GRIN2A: variants seen among roughly 807,000 people sequenced by gnomAD.
GRIN2A encodes glutamate ionotropic receptor NMDA type subunit 2A, also known as glutamate receptor ionotropic, NMDA 2A.
In GRIN2A, 22 loss-of-function variants were observed where a neutral mutation model predicts 113.4. The observed-to-expected ratio is 0.19, with a 90% CI of 0.14 to 0.28. The LOEUF (loss-of-function observed/expected upper bound fraction) is 0.28. Ranked by LOEUF, GRIN2A falls within the 10% of genes least tolerant of loss-of-function variation. The pLI, the probability that GRIN2A is intolerant of heterozygous loss-of-function variation, is 1.00. For synonymous variants in GRIN2A, 827 were observed against 738.4 expected, an observed-to-expected ratio of 1.12 and a Z score of -1.94; for missense variants, 1,502 against 1,887.0, an observed-to-expected ratio of 0.80 and a Z score of 3.78.
chr16:9,836,554 G>A (rs1052951441), intron 7 of GRIN2A, among the ~76,000 whole-genome samples: 1 of 152,200 alleles, frequency 6.6e-6, no homozygotes, highest in African/African-American at 2.4e-5. Context: ...TGAAGCAACT[G>A]TTCCCACATG....
chr16:10,130,385 G>C (rs2049036459), intron 2 of GRIN2A, among the ~76,000 whole-genome samples: 1 of 152,216 alleles, frequency 6.6e-6, no homozygotes, highest in Admixed American at 6.5e-5. Flanking sequence ...AGAATTAATA[G>C]AATTTTCGAG....
chr16:10,111,927 G>A, intron 2 of GRIN2A: 1 of 776,520 alleles, frequency 1.3e-6, no homozygotes, highest in Non-Finnish European at 2.3e-6. Flanking sequence ...TGACGCCAAG[G>A]ATCAAGCTGA....
chr16:9,787,652 A>G (rs988469956), intron 11 of GRIN2A, among the ~76,000 whole-genome samples: 1 of 152,202 alleles, frequency 6.6e-6, no homozygotes, highest in Non-Finnish European at 1.5e-5. Flanking sequence ...GGATAAATAC[A>G]TACAAGGACT....
At chr16:9,892,189 C>A (rs544667229) in intron 3 of GRIN2A, among the ~76,000 whole-genome samples, 39 of 152,290 alleles carry the variant, frequency 2.6e-4, no homozygotes, top group African/African-American at 8.4e-4. Flanking sequence ...CGAGATCGTG[C>A]CATTGCACTC....
intron 4 of GRIN2A, among the ~76,000 whole-genome samples, chr16:9,885,406 G>A (rs529542833): frequency 6.6e-6 from 1 of 152,174 alleles, no homozygotes; most frequent in Non-Finnish European, 1.5e-5. Flanking sequence ...ACAAGGGAGA[G>A]AGAAAAGGCA....
At chr16:10,108,835 T>G (rs2048550458) in intron 2 of GRIN2A, among the ~76,000 whole-genome samples, 1 of 151,846 alleles carries the variant, frequency 6.6e-6, no homozygotes, top group Admixed American at 6.6e-5. Flanking sequence ...ACATAACACA[T>G]AAAATAATTA....
At chr16:10,100,504 G>A (rs570876672) in intron 2 of GRIN2A, among the ~76,000 whole-genome samples, 1 of 152,186 alleles carries the variant, frequency 6.6e-6, no homozygotes, top group Non-Finnish European at 1.5e-5. Context: ...TAAACTGGGA[G>A]TAATAAGCCC....
intron 4 of GRIN2A, among the ~76,000 whole-genome samples, chr16:9,864,630 T>C (rs1394284761): frequency 1.3e-5 from 2 of 152,152 alleles, no homozygotes; most frequent in African/African-American, 4.8e-5. Context: ...AAAAAGCCAA[T>C]TCCATTTGGA....
At chr16:10,106,794 C>A (rs933038056) in intron 2 of GRIN2A, among the ~76,000 whole-genome samples, 1 of 152,058 alleles carries the variant, frequency 6.6e-6, no homozygotes, top group Non-Finnish European at 1.5e-5. Flanking sequence ...AACAGAAAGG[C>A]AACAGGTAGA....
Position 10,156,051 on chromosome 16 carries a change from C to T in GRIN2A, c.414+23947G>A, listed in dbSNP as rs373642350. Among the ~76,000 whole-genome samples the T allele has an allele frequency of 5.7e-4, 87 of 152,310 alleles. 2 individuals are homozygous for T. In the South Asian group the frequency reaches 0.016, roughly 28 times the overall value. The stretch of plus-strand genomic sequence containing the variant: ...TTTAAGTGGTAGGAGGGACCCTGGA[C>T]GATGAAAAGGGTGATCTAGCCCAGG... On this transcript the variant is annotated intron_variant, in intron 2 of 12. Transcript: ENST00000330684.
intron 11 of GRIN2A, among the ~76,000 whole-genome samples, chr16:9,782,938 G>T (rs1302199765): frequency 6.6e-6 from 1 of 152,160 alleles, no homozygotes; most frequent in African/African-American, 2.4e-5. Context: ...GGCCAATGGA[G>T]AAGCAGTTAA....
intron 2 of GRIN2A, among the ~76,000 whole-genome samples, chr16:10,152,762 G>C (rs1596557798): frequency 6.6e-6 from 1 of 152,288 alleles, no homozygotes; most frequent in East Asian, 1.9e-4. Flanking sequence ...ACGCAAAAAG[G>C]AAGTGTGACA....
At chr16:9,868,071 A>G (rs1051426583) in intron 4 of GRIN2A, among the ~76,000 whole-genome samples, 1 of 152,144 alleles carries the variant, frequency 6.6e-6, no homozygotes, top group African/African-American at 2.4e-5. Flanking sequence ...TGCCACCCCC[A>G]TATATATTAA....
chr16:10,065,774 C>T (rs2047637093), intron 2 of GRIN2A, among the ~76,000 whole-genome samples: 1 of 152,178 alleles, frequency 6.6e-6, no homozygotes, highest in South Asian at 2.1e-4. Flanking sequence ...CCAACCCCAT[C>T]TCAAGCCAAG....
intron 3 of GRIN2A, among the ~76,000 whole-genome samples, chr16:9,901,619 C>G (rs1384820329): frequency 6.6e-6 from 1 of 152,102 alleles, no homozygotes; most frequent in African/African-American, 2.4e-5. Context: ...AACACCACAC[C>G]TGGCTAATTG....
At chr16:10,107,383 T>G (rs1464210004) in intron 2 of GRIN2A, among the ~76,000 whole-genome samples, 1 of 152,202 alleles carries the variant, frequency 6.6e-6, no homozygotes, top group East Asian at 1.9e-4. Flanking sequence ...CACAACCTCT[T>G]TCCTCCAACT....
intron 10 of GRIN2A, 67 bp downstream of exon 10, chr16:9,822,195 GCC>G: frequency 6.7e-7 from 1 of 1,489,566 alleles, no homozygotes; most frequent in Non-Finnish European, 9.4e-7. Flanking sequence ...ACTGAGGCAT[GCC>G]GAGAGTCAAT....
chr16:9,839,625 G>A (rs1448884818), intron 7 of GRIN2A, among the ~76,000 whole-genome samples: 2 of 152,138 alleles, frequency 1.3e-5, no homozygotes, highest in African/African-American at 4.8e-5. Flanking sequence ...GTTCTTTGTG[G>A]GATGGAGGAT....
rs1390603124 is a variant in GRIN2A at position 9,966,052 on chromosome 16, G to A, written c.415-27501C>T. On this transcript the variant is annotated intron_variant, in intron 2 of 12. Transcript: ENST00000330684. ...ATCTGAATTTTAACTAGTTTCCCAA[G>A]GTTCGAGAATCCTTGCACTTATAGA... is the stretch of plus-strand genomic sequence containing the variant. Among the ~76,000 whole-genome samples, 3 of 152,160 alleles carry A rather than the reference G, an allele frequency of 2.0e-5. No homozygotes were observed. The East Asian group carries it at 5.8e-4, about 29-fold the overall frequency.
Sources: gnomAD v4.1 joint callset for allele counts (sites outside exome capture counted in the v4.1 genomes callset) on GRCh38, gnomAD v4.1.1 for gene constraint, MANE v1.5 for transcripts, NCBI Gene and HGNC (gene_info 2026-07-23, HGNC 2026-07-21) for gene names.